Variants in PPP1R14C observed in about 807,000 individuals in gnomAD.
PPP1R14C encodes protein phosphatase 1 regulatory inhibitor subunit 14C, also known as protein phosphatase 1 regulatory subunit 14C.
In PPP1R14C, 16 loss-of-function variants were observed where a neutral mutation model predicts 20.4. The observed-to-expected ratio is 0.78, with a 90% confidence interval of 0.53 to 1.19. PPP1R14C has a LOEUF of 1.19. Among genes scored for constraint, PPP1R14C ranks in the 50% most tolerant of loss-of-function variants. The pLI, the probability that PPP1R14C is intolerant of heterozygous loss-of-function variation, is 0.00. For synonymous variants in PPP1R14C, 91 were observed against 91.0 expected (o/e 1.00, Z 0.00); for missense variants, 211 against 220.1 (o/e 0.96, Z 0.26).
At chr6:150,235,240 C>A (rs1241544074) in intron 3 of PPP1R14C, among the ~76,000 whole-genome samples, 2 of 152,160 alleles carry the variant, frequency 1.3e-5, no homozygotes, top group Admixed American at 6.6e-5. Context: ...AGGTGCGCAC[C>A]ACCACACCCA....
At chr6:150,167,381 A>G (rs1389390439) in intron 1 of PPP1R14C, among the ~76,000 whole-genome samples, 1 of 152,226 alleles carries the variant, frequency 6.6e-6, no homozygotes, top group East Asian at 1.9e-4. Context: ...GGGGAAAAAA[A>G]CAAAAAGCAG....
chr6:150,192,435 T>A (rs567098527), intron 1 of PPP1R14C, among the ~76,000 whole-genome samples: 33 of 152,098 alleles, frequency 2.2e-4, no homozygotes, highest in Non-Finnish European at 3.4e-4. Flanking sequence ...CACAATAGGG[T>A]TTGCACTCCT....
chr6:150,236,454 G>A (rs1157662278), intron 3 of PPP1R14C, among the ~76,000 whole-genome samples: 1 of 152,162 alleles, frequency 6.6e-6, no homozygotes, highest in East Asian at 1.9e-4. Flanking sequence ...ACTGAGATGA[G>A]AGGTAGGGGC....
chr6:150,143,057 G>C lies in PPP1R14C; in HGVS notation c.-136G>C. The stretch of plus-strand genomic sequence containing the variant: ...TCCCGCCCTCCCAGAGCAGCCGGGC[G>C]GCTGGGCGCGCGCGGCGCAGAGCAG... On this transcript the variant is annotated 5_prime_UTR_variant, in exon 1 of 4. Coordinates refer to ENST00000361131, the MANE Select transcript of PPP1R14C (RefSeq NM_030949.3). The surrounding 1 kb of genome is among the most constrained non-coding windows in gnomAD (Gnocchi z 5.6). 9.3e-7 allele frequency: 1 copy of C among 1,074,424 alleles called. No individual in the cohort carries two copies. The highest frequency in any genetic ancestry group is 1.1e-6 in the Non-Finnish European group (1 of 891,730). The allele number at this position is 1,074,424 out of a possible 1,614,324, so 66.6% of individuals were successfully genotyped here. A position where few individuals can be genotyped will look rare whatever the true frequency, so the allele number is the denominator to read the frequency against.
chr6:150,173,719 G>A (rs141914866), intron 1 of PPP1R14C, among the ~76,000 whole-genome samples: 237 of 152,158 alleles, frequency 1.6e-3, no homozygotes, highest in African/African-American at 5.5e-3. Context: ...GAATAATGCC[G>A]ATGCCAGCCA....
intron 1 of PPP1R14C, among the ~76,000 whole-genome samples, chr6:150,158,636 T>C: frequency 6.6e-6 from 1 of 152,238 alleles, no homozygotes. Context: ...GGGTAATTTA[T>C]TTTGTTTATC....
chr6:150,182,340 G>A (rs1777631355), intron 1 of PPP1R14C, among the ~76,000 whole-genome samples: 1 of 152,214 alleles, frequency 6.6e-6, no homozygotes, highest in East Asian at 1.9e-4. Context: ...GAACAATATA[G>A]ATGTGTTTCT....
intron 3 of PPP1R14C, among the ~76,000 whole-genome samples, chr6:150,239,177 C>G (rs61079197): frequency 0.13 from 20,458 of 152,202 alleles, 1,542 homozygotes; most frequent in African/African-American, 0.2. Context: ...CAGGGGAACA[C>G]TCGTGTTCAT....
rs201809978 is a variant in PPP1R14C at position 150,195,251 on chromosome 6, AC to A, written c.307-19491del. ...TTGCAGTATATGTGTGTGTGTGGATACCATGTTATACATGGGGGCTAAAAAA... is the reference window on the plus strand; with the variant it reads ...TTGCAGTATATGTGTGTGTGTGGATACATGTTATACATGGGGGCTAAAAAA... On this transcript the variant is annotated intron_variant, in intron 1 of 3. Coordinates refer to ENST00000361131, the MANE Select transcript of PPP1R14C (RefSeq NM_030949.3). 1.9e-3 allele frequency: 1,415 copies of A among 735,180 alleles called. 16 individuals are homozygous for A. The African/African-American group carries it at 0.025, about 13-fold the overall frequency. The allele number at this position is 735,180 out of a possible 1,614,324, so 45.5% of individuals were successfully genotyped here.
chr6:150,186,369 G>C lies in PPP1R14C; in HGVS notation c.307-28375G>C, dbSNP rs557763180. Among the ~76,000 whole-genome samples, 9 of 152,258 alleles carry C rather than the reference G, an allele frequency of 5.9e-5. No individual in the cohort carries two copies. In the East Asian group the frequency reaches 1.7e-3, roughly 29 times the overall value. The stretch of plus-strand genomic sequence containing the variant: ...GTAATTTAGAGCTGGGCCTCAGAGG[G>C]GAGTGTGTTACCGGACAGTCCCCTC... On this transcript the variant is annotated intron_variant, in intron 1 of 3. Transcript: ENST00000361131.
intron 1 of PPP1R14C, among the ~76,000 whole-genome samples, chr6:150,168,967 C>T (rs1777468114): frequency 6.6e-6 from 1 of 152,218 alleles, no homozygotes; most frequent in South Asian, 2.1e-4. Context: ...ACATCTGCCT[C>T]CCAGGCTCAA....
chr6:150,242,836 A>G (rs951213397), intron 3 of PPP1R14C, among the ~76,000 whole-genome samples: 1 of 152,222 alleles, frequency 6.6e-6, no homozygotes, highest in Non-Finnish European at 1.5e-5. Context: ...AACTAATATG[A>G]GTTCAGCAAG....
intron 1 of PPP1R14C, among the ~76,000 whole-genome samples, chr6:150,171,303 G>A (rs76997228): frequency 0.031 from 4,676 of 152,212 alleles, 155 homozygotes; most frequent in East Asian, 0.11. Context: ...CTAGTGAGCT[G>A]GTACAAGCCA....
At chr6:150,170,290 C>G (rs559494448) in intron 1 of PPP1R14C, among the ~76,000 whole-genome samples, 1 of 151,276 alleles carries the variant, frequency 6.6e-6, no homozygotes, top group Non-Finnish European at 1.5e-5. Context: ...AACACATACT[C>G]ATTACACTTT....
At position 150,249,048 on chromosome 6, in the gene PPP1R14C, A is replaced by G; in HGVS notation, c.*228A>G. 2.1e-6 allele frequency: 1 copy of G among 470,084 alleles called. No individual in the cohort carries two copies. The highest frequency in any genetic ancestry group is 3.7e-6 in the Non-Finnish European group (1 of 268,276). The allele number at this position is 470,084 out of a possible 1,614,324, so 29.1% of individuals were successfully genotyped here. On this transcript the variant is annotated 3_prime_UTR_variant, in exon 4 of 4. Coordinates refer to ENST00000361131, the MANE Select transcript of PPP1R14C (RefSeq NM_030949.3). ...GTAATATTTTAATAGCAAAGATATC[A>G]TGACTCTAGCCACAGCCTAACCAAG...
chr6:150,148,988 C>T (rs1231665633), intron 1 of PPP1R14C, among the ~76,000 whole-genome samples: 2 of 151,672 alleles, frequency 1.3e-5, no homozygotes, highest in Non-Finnish European at 2.9e-5. Context: ...CACCTGAGCC[C>T]GGGGAGGTTA....
intron 1 of PPP1R14C, among the ~76,000 whole-genome samples, chr6:150,155,659 A>T (rs78827774): frequency 0.011 from 1,618 of 152,246 alleles, 25 homozygotes; most frequent in African/African-American, 0.037. Context: ...GCTTCATCTT[A>T]GTTGAACAGT....
chr6:150,248,097 C>T (rs187349307), intron 3 of PPP1R14C, among the ~76,000 whole-genome samples: 7 of 152,216 alleles, frequency 4.6e-5, no homozygotes, highest in Admixed American at 2.0e-4. Context: ...CTTTCTTCTT[C>T]TTATAAAGTC....
At position 150,152,114 on chromosome 6, in the gene PPP1R14C, C is replaced by T. The variant is rs373077537; in HGVS notation, c.306+8616C>T. On this transcript the variant is annotated intron_variant, in intron 1 of 3. Transcript: ENST00000361131. ...CAGCCTGGGCGACAGAGCGAGACTC[C>T]GTCTCAAAAAAAAAAAAAAAAAAAA... Among the ~76,000 whole-genome samples the T allele has an allele frequency of 9.8e-3, 1,038 of 105,938 alleles. 12 individuals are homozygous for T. The highest frequency in any genetic ancestry group is 0.039 in the African/African-American group (993 of 25,190). The allele number at this position is 105,938 out of a possible 152,430, so 69.5% of individuals were successfully genotyped here. A position where few individuals can be genotyped will look rare whatever the true frequency, so the allele number is the denominator to read the frequency against.
Sources: allele counts gnomAD v4.1 joint callset (sites outside exome capture counted in the v4.1 genomes callset), GRCh38; gene constraint gnomAD v4.1.1; non-coding constraint Gnocchi (gnomAD v3.1); transcripts MANE v1.5; gene names NCBI Gene and HGNC (gene_info 2026-07-23, HGNC 2026-07-21).